The following TRIP12 variants were observed in gnomAD, a reference collection of about 807,000 sequenced individuals.
TRIP12 encodes the protein thyroid hormone receptor interactor 12.
A neutral mutation model predicts 244.2 loss-of-function variants in TRIP12; 25 were observed. That is an observed-to-expected ratio of 0.10 (90% CI 0.07 to 0.14). The LOEUF is 0.14. Ranked by LOEUF, TRIP12 falls within the 10% of genes least tolerant of loss-of-function variation. TRIP12 has a pLI of 1.00. For synonymous variants in TRIP12, 905 were observed against 873.1 expected (o/e 1.04, Z -0.64); for missense variants, 1,677 against 2,486.4 (o/e 0.67, Z 6.92).
chr2:229,828,748 CAG>C (rs1481073682), intron 8 of TRIP12, among the ~76,000 whole-genome samples: 1 of 151,986 alleles, frequency 6.6e-6, no homozygotes, highest in Non-Finnish European at 1.5e-5. Flanking sequence ...GCCTGGACGA[CAG>C]AGCAAGACTC....
intron 1 of TRIP12, among the ~76,000 whole-genome samples, chr2:229,904,592 GAAGGA>G (rs1360132129): frequency 6.6e-6 from 1 of 152,060 alleles, no homozygotes; most frequent in Non-Finnish European, 1.5e-5. Context: ...ACAGAGGCTA[GAAGGA>G]AAGACTACAT....
intron 6 of TRIP12, among the ~76,000 whole-genome samples, chr2:229,833,655 C>A (rs779897410): frequency 2.0e-5 from 3 of 152,148 alleles, no homozygotes; most frequent in Admixed American, 6.5e-5. Context: ...GAAAAGGATT[C>A]TTTTGCCATA....
intron 1 of TRIP12, among the ~76,000 whole-genome samples, chr2:229,898,353 G>A (rs776160222): frequency 2.0e-5 from 3 of 152,154 alleles, no homozygotes; most frequent in Non-Finnish European, 4.4e-5. Context: ...CACAGCGCAC[G>A]AAGTAACAAC....
At chr2:229,883,928 G>A (rs2065393458) in intron 1 of TRIP12, among the ~76,000 whole-genome samples, 1 of 152,096 alleles carries the variant, frequency 6.6e-6, no homozygotes, top group Non-Finnish European at 1.5e-5. Flanking sequence ...GGCCAACATG[G>A]TGAAACTCCA....
At chr2:229,922,882 C>T (rs190804056), upstream of TRIP12, among the ~76,000 whole-genome samples, 2 of 152,192 alleles carry the variant, frequency 1.3e-5, no homozygotes, top group African/African-American at 2.4e-5. Flanking sequence ...GGCTTCTTAC[C>T]CGTAGAGTTT....
chr2:229,786,396 CTTTTTTTT>C (rs34138414), intron 33 of TRIP12, among the ~76,000 whole-genome samples: 2 of 127,768 alleles, frequency 1.6e-5, no homozygotes, highest in East Asian at 2.2e-4. Flanking sequence ...AATAGGATGA[CTTTTTTTT>C]TTTTTTTTTT....
chr2:229,826,889 G>C (rs1441702587), intron 8 of TRIP12, among the ~76,000 whole-genome samples: 1 of 152,204 alleles, frequency 6.6e-6, no homozygotes, highest in Non-Finnish European at 1.5e-5. Context: ...GTGAGTGAGT[G>C]AATGGTGAGT....
intron 2 of TRIP12, among the ~76,000 whole-genome samples, chr2:229,867,513 G>GA (rs1365307780): frequency 6.6e-6 from 1 of 151,804 alleles, no homozygotes; most frequent in African/African-American, 2.4e-5. Context: ...AAAAAGGGAG[G>GA]AAAACACCAC....
chr2:229,808,095 C>A (rs1575308843), intron 16 of TRIP12, among the ~76,000 whole-genome samples, 157 bp downstream of exon 16: 1 of 151,814 alleles, frequency 6.6e-6, no homozygotes, highest in Non-Finnish European at 1.5e-5. Flanking sequence ...GCCTCCCAAG[C>A]AGCTGGGATT....
At chr2:229,829,107 C>T (rs968671671) in intron 8 of TRIP12, 86 bp downstream of exon 8, 1 of 1,253,906 alleles carries the variant, frequency 8.0e-7, no homozygotes, top group African/African-American at 1.5e-5. Flanking sequence ...TGAAAAACTT[C>T]TTAATACTTA....
chr2:229,814,417 G>A, intron 11 of TRIP12, 92 bp from the exon 12 acceptor site: 1 of 1,235,326 alleles, frequency 8.1e-7, no homozygotes, highest in African/African-American at 1.5e-5. Context: ...TTACATCCAT[G>A]TATACTATCT....
At chr2:229,880,834 C>T (rs1405546667) in intron 1 of TRIP12, among the ~76,000 whole-genome samples, 1 of 152,074 alleles carries the variant, frequency 6.6e-6, no homozygotes, top group Non-Finnish European at 1.5e-5. Flanking sequence ...AACCCAGCAA[C>T]TTGGGAGGCT....
intron 8 of TRIP12, among the ~76,000 whole-genome samples, chr2:229,821,142 T>A (rs935594232): frequency 6.6e-6 from 1 of 152,298 alleles, no homozygotes; most frequent in Non-Finnish European, 1.5e-5. Context: ...AGATAAAAAC[T>A]GAATTATATT....
chr2:229,830,622 A>T (rs1013080027), intron 7 of TRIP12, 134 bp downstream of exon 7: 47 of 659,834 alleles, frequency 7.1e-5, no homozygotes, highest in Non-Finnish European at 8.7e-5. Context: ...GCTACTAAAA[A>T]TTTTTTTTTC....
In TRIP12 at chr2:229,793,524, A is replaced by G. The variant is rs1256885501; in HGVS notation, c.3969-379T>C. Among the ~76,000 whole-genome samples, 9 of 152,020 alleles carry G rather than the reference A, an allele frequency of 5.9e-5. 1 individual carries two copies. In the East Asian group the frequency reaches 1.7e-3, roughly 29 times the overall value. On this transcript the variant is annotated intron_variant, in intron 26 of 41. Coordinates refer to ENST00000675903, the MANE Select transcript of TRIP12 (RefSeq NM_001348323.3). ...ATTTTGCCCATTCCTATTGAATTATATTTTTTAAAAAGAAAAAAAAAACTC... is the reference window on the plus strand; with the variant it reads ...ATTTTGCCCATTCCTATTGAATTATGTTTTTTAAAAAGAAAAAAAAAACTC...
At chr2:229,845,273 A>C (rs2057340108) in intron 4 of TRIP12, among the ~76,000 whole-genome samples, 1 of 152,180 alleles carries the variant, frequency 6.6e-6, no homozygotes, top group East Asian at 1.9e-4. Flanking sequence ...TTTTGGTTGA[A>C]TATCCACCAT....
chr2:229,807,705 T>TAC lies in TRIP12; in HGVS notation c.2496+1_2496+2dup. 6.2e-7 allele frequency: 1 copy of TAC among 1,614,138 alleles called. No homozygotes were observed. The highest frequency in any genetic ancestry group is 8.5e-7 in the Non-Finnish European group (1 of 1,180,004). The stretch of plus-strand genomic sequence containing the variant: ...CATTTAAACGGTACGATGAAACTAC[T>TAC]ACCTCAATGATCCGGCTGTCAATCC... On this transcript the variant is annotated splice_region_variant and intron_variant, in intron 17 of 41. Transcript: ENST00000675903.
At chr2:229,901,074 C>T (rs1228279623) in intron 1 of TRIP12, among the ~76,000 whole-genome samples, 1 of 151,078 alleles carries the variant, frequency 6.6e-6, no homozygotes, top group African/African-American at 2.4e-5. Flanking sequence ...GCTGGGATTA[C>T]AGGCATGTGC....
At chr2:229,903,216 G>A (rs151181175) in intron 1 of TRIP12, among the ~76,000 whole-genome samples, 21 of 152,038 alleles carry the variant, frequency 1.4e-4, no homozygotes, top group African/African-American at 3.4e-4. Context: ...TTCAGTAACC[G>A]TGAGAACCAC....
Sources: gnomAD v4.1 joint callset for allele counts (sites outside exome capture counted in the v4.1 genomes callset) on GRCh38, gnomAD v4.1.1 for gene constraint, MANE v1.5 for transcripts, NCBI Gene and HGNC (gene_info 2026-07-23, HGNC 2026-07-21) for gene names.